Variants in DCUN1D2 observed in about 807,000 individuals in gnomAD.
DCUN1D2 encodes the protein DCN1-like protein 2.
In DCUN1D2, 29 loss-of-function variants were observed where a neutral mutation model predicts 30.9. The ratio of observed to expected loss-of-function variants is 0.94; its 90% CI spans 0.70 to 1.28. The LOEUF is 1.28. Among genes scored for constraint, DCUN1D2 ranks in the 50% most tolerant of loss-of-function variants. The probability of loss-of-function intolerance (pLI) is 0.00; values close to 1 mark genes in which losing one functional copy is unlikely to be tolerated. For synonymous variants in DCUN1D2, 121 were observed against 115.3 expected (o/e 1.05, Z -0.32); for missense variants, 325 against 316.9 (o/e 1.03, Z -0.19).
intron 3 of DCUN1D2, among the ~76,000 whole-genome samples, chr13:113,478,479 TATTTA>T (rs1304703133): frequency 1.3e-5 from 2 of 152,190 alleles, no homozygotes; most frequent in Admixed American, 6.5e-5. Context: ...ACTTCTTTTC[TATTTA>T]ATTATTCTTG....
intron 3 of DCUN1D2, chr13:113,475,989 C>T (rs998570543): frequency 1.3e-5 from 2 of 152,278 alleles, no homozygotes; most frequent in African/African-American, 4.8e-5. Context: ...GCGTGCACCA[C>T]CTCACGTCTG....
rs758814846 is a variant in DCUN1D2, at chr13:113,480,759, G to C, written c.221-16C>G. On this transcript the variant is annotated splice_polypyrimidine_tract_variant and intron_variant, in intron 2 of 6. Coordinates refer to ENST00000478244, the MANE Select transcript of DCUN1D2 (RefSeq NM_001014283.2). Reference sequence around the variant, plus strand: ...TCTTGTGGATCTGTAGTTAATATCAGGGGAAAAGGAAGTTATACTATTTTG... The same window carrying C: ...TCTTGTGGATCTGTAGTTAATATCACGGGAAAAGGAAGTTATACTATTTTG... The C allele has an allele frequency of 1.2e-5, 19 of 1,611,786 alleles. No individual in the cohort carries two copies. Among genetic ancestry groups the C allele is most frequent in the Admixed American group, 1.7e-5 (1 of 59,342 alleles).
intron 1 of DCUN1D2, 190 bp from the exon 2 acceptor site, chr13:113,484,246 G>T: frequency 7.8e-7 from 1 of 1,281,124 alleles, no homozygotes; most frequent in Non-Finnish European, 1.0e-6. Context: ...GGCAGTCTAA[G>T]CTTCAAAAAT....
At chr13:113,462,883 G>C in intron 4 of DCUN1D2, 1 of 1,257,184 alleles carries the variant, frequency 8.0e-7, no homozygotes, top group Non-Finnish European at 1.0e-6. Context: ...TTGAGAAATG[G>C]AGGTGAACCT....
intron 4 of DCUN1D2, among the ~76,000 whole-genome samples, chr13:113,468,132 G>T (rs2044438521): frequency 6.6e-6 from 1 of 151,570 alleles, no homozygotes; most frequent in South Asian, 2.1e-4. Flanking sequence ...ATTCACAATA[G>T]CCAAATGGTA....
intron 4 of DCUN1D2, among the ~76,000 whole-genome samples, chr13:113,471,854 G>A (rs2044521526): frequency 6.6e-6 from 1 of 152,156 alleles, no homozygotes; most frequent in African/African-American, 2.4e-5. Flanking sequence ...ACTGGAGAAT[G>A]AATTTCAAAA....
At chr13:113,485,249 C>A (rs912514181) in intron 1 of DCUN1D2, among the ~76,000 whole-genome samples, 51 of 152,218 alleles carry the variant, frequency 3.4e-4, no homozygotes, top group Middle Eastern at 3.4e-3. Flanking sequence ...ATTTTTTACT[C>A]AAAACGATTT....
intron 4 of DCUN1D2, among the ~76,000 whole-genome samples, chr13:113,467,744 C>T (rs2044429889): frequency 6.6e-6 from 1 of 151,908 alleles, no homozygotes; most frequent in Non-Finnish European, 1.5e-5. Context: ...GGATATATAC[C>T]CAAAAGAATT....
chr13:113,459,838 G>A (rs921921047), intron 5 of DCUN1D2, among the ~76,000 whole-genome samples: 8 of 152,130 alleles, frequency 5.3e-5, no homozygotes, highest in Non-Finnish European at 8.8e-5. Flanking sequence ...AAACGTATGC[G>A]GGCTGACGTG....
At chr13:113,472,110 G>A (rs1448622942) in intron 4 of DCUN1D2, among the ~76,000 whole-genome samples, 2 of 144,490 alleles carry the variant, frequency 1.4e-5, no homozygotes, top group East Asian at 2.3e-4. Context: ...CTCTGAGCCC[G>A]TGGTGTGTGC....
intron 1 of DCUN1D2, chr13:113,489,268 G>A (rs914164298): frequency 3.2e-5 from 16 of 500,178 alleles, no homozygotes; most frequent in Non-Finnish European, 3.6e-5. Context: ...ACATGTTCAA[G>A]TTTTCCCCAA....
At chr13:113,466,856 G>A (rs1439897894) in intron 4 of DCUN1D2, among the ~76,000 whole-genome samples, 2 of 148,582 alleles carry the variant, frequency 1.3e-5, no homozygotes, top group African/African-American at 5.0e-5. Context: ...GCCCAGGCTG[G>A]AGTGCAGTGG....
At chr13:113,490,778 G>A (rs1594138752), upstream of DCUN1D2, 3 of 1,053,122 alleles carry the variant, frequency 2.8e-6, no homozygotes, top group East Asian at 9.6e-5. The surrounding 1 kb of genome is among the most constrained non-coding windows in gnomAD (Gnocchi z 5.2). Flanking sequence ...GGGCAGTGCC[G>A]GGAGCCGGCC....
At chr13:113,459,441 G>A (rs1294710846) in intron 5 of DCUN1D2, 33 bp from the exon 6 acceptor site, 1 of 1,010,564 alleles carries the variant, frequency 9.9e-7, no homozygotes, top group Admixed American at 1.9e-5. Context: ...AACCCACCAG[G>A]TTTAAAATAC....
intron 3 of DCUN1D2, among the ~76,000 whole-genome samples, chr13:113,479,374 T>C (rs926092082): frequency 6.6e-6 from 1 of 152,190 alleles, no homozygotes; most frequent in African/African-American, 2.4e-5. Context: ...CATTATGAAA[T>C]GGTCCTCCTT....
chr13:113,486,974 G>A (rs1006991860), intron 1 of DCUN1D2, among the ~76,000 whole-genome samples: 1 of 152,150 alleles, frequency 6.6e-6, no homozygotes, highest in Non-Finnish European at 1.5e-5. Flanking sequence ...GTAGTTTGCC[G>A]ACCCCGATCT....
intron 4 of DCUN1D2, among the ~76,000 whole-genome samples, chr13:113,463,771 C>CCCACAAAGAG (rs1482426070): frequency 7.3e-6 from 1 of 137,750 alleles, no homozygotes; most frequent in African/African-American, 2.7e-5. Flanking sequence ...GACACAGACA[C>CCCACAAAGAG]ACACAGACAC....
chr13:113,478,943 C>G (rs1373632776), intron 3 of DCUN1D2: 3 of 151,952 alleles, frequency 2.0e-5, no homozygotes, highest in Non-Finnish European at 2.9e-5. Context: ...TAGTCCCCCA[C>G]TACCACAAAT....
At chr13:113,480,847 A>C in intron 2 of DCUN1D2, 104 bp from the exon 3 acceptor site, 1 of 1,236,490 alleles carries the variant, frequency 8.1e-7, no homozygotes, top group East Asian at 2.5e-5. Flanking sequence ...TAGTTCTAGC[A>C]AGCGTGTTTC....
Sources: gnomAD v4.1 joint callset for allele counts (sites outside exome capture counted in the v4.1 genomes callset) on GRCh38, gnomAD v4.1.1 for gene constraint, Gnocchi (gnomAD v3.1) non-coding constraint, MANE v1.5 for transcripts, NCBI Gene and HGNC (gene_info 2026-07-23, HGNC 2026-07-21) for gene names.